Variants in ERC2 observed in about 807,000 individuals in gnomAD.
ERC2 encodes ELKS/RAB6-interacting/CAST family member 2.
ERC2 carries 42 observed loss-of-function variants against 114.8 expected under a neutral mutation model. The ratio of observed to expected loss-of-function variants is 0.37; its 90% CI spans 0.29 to 0.47. The LOEUF (loss-of-function observed/expected upper bound fraction) is 0.47, where lower values mean the gene tolerates loss of function less well. Ranked by LOEUF, ERC2 falls within the 20% of genes least tolerant of loss-of-function variation. The probability of loss-of-function intolerance (pLI) is 0.99; values close to 1 mark genes in which losing one functional copy is unlikely to be tolerated. For synonymous variants in ERC2, 454 were observed against 425.5 expected (o/e 1.07, Z -0.82); for missense variants, 939 against 1,150.7 (o/e 0.82, Z 2.66).
chr3:55,655,555 T>C (rs1391481141), intron 17 of ERC2, among the ~76,000 whole-genome samples: 3 of 152,224 alleles, frequency 2.0e-5, no homozygotes, highest in Admixed American at 6.5e-5. Context: ...CCTTATGGCA[T>C]GTGGGGCTGA....
chr3:55,671,172 C>T (rs1469251061), intron 17 of ERC2, among the ~76,000 whole-genome samples: 2 of 152,160 alleles, frequency 1.3e-5, no homozygotes, highest in Non-Finnish European at 2.9e-5. Context: ...AACAGATGAA[C>T]ATTTGCAATA....
intron 17 of ERC2, among the ~76,000 whole-genome samples, chr3:55,588,065 T>C (rs1034687881): frequency 3.3e-5 from 5 of 152,186 alleles, no homozygotes; most frequent in Non-Finnish European, 5.9e-5. Flanking sequence ...GTTATCCAAG[T>C]GCCTAAAAAT....
intron 3 of ERC2, among the ~76,000 whole-genome samples, chr3:56,196,993 G>A (rs2048147680): frequency 6.6e-6 from 1 of 152,046 alleles, no homozygotes; most frequent in Non-Finnish European, 1.5e-5. Flanking sequence ...CAGAGTCCGT[G>A]TTTATAAAAA....
chr3:56,094,351 G>A (rs1215896928), intron 6 of ERC2, among the ~76,000 whole-genome samples: 1 of 152,148 alleles, frequency 6.6e-6, no homozygotes, highest in Non-Finnish European at 1.5e-5. Context: ...AACCTGTGAT[G>A]TAAGTACTGC....
At chr3:55,863,765 T>G (rs916233144) in intron 14 of ERC2, among the ~76,000 whole-genome samples, 3 of 152,112 alleles carry the variant, frequency 2.0e-5, no homozygotes, top group Admixed American at 2.0e-4. Flanking sequence ...ACCCAAAGTA[T>G]TAAACATGTA....
At chr3:55,883,088 A>T (rs71309934) in intron 14 of ERC2, among the ~76,000 whole-genome samples, 2,174 of 152,338 alleles carry the variant, frequency 0.014, 52 homozygotes, top group Non-Finnish European at 0.013. Flanking sequence ...CTAAAAGAGT[A>T]CCTAGCACAT....
intron 11 of ERC2, among the ~76,000 whole-genome samples, chr3:55,986,377 G>T (rs1472926451): frequency 3.3e-5 from 5 of 152,156 alleles, no homozygotes; most frequent in African/African-American, 1.2e-4. Flanking sequence ...AACTGAAATG[G>T]AAACTACTAA....
At position 55,940,806 on chromosome 3, in the gene ERC2, T is replaced by G. The variant is rs780007103; in HGVS notation, c.2403+9619A>C. 2.0e-5 allele frequency among the ~76,000 whole-genome samples: 3 copies of G among 152,188 alleles called. No individual in the cohort carries two copies. The South Asian group carries it at 6.2e-4, about 31-fold the overall frequency. On this transcript the variant is annotated intron_variant, in intron 13 of 17. Coordinates refer to ENST00000288221, the MANE Select transcript of ERC2 (RefSeq NM_015576.3). ...ACTCACTACTTAAAATAAAGCTTAA[T>G]CCGTTTCCATAAAATCCATGCAAAA...
intron 4 of ERC2, among the ~76,000 whole-genome samples, chr3:56,164,232 T>G (rs766722909): frequency 6.6e-6 from 1 of 152,030 alleles, no homozygotes; most frequent in Non-Finnish European, 1.5e-5. Flanking sequence ...CAAAATCCAG[T>G]ACACATTAGC....
At chr3:56,246,784 T>C (rs2051741429) in intron 3 of ERC2, among the ~76,000 whole-genome samples, 1 of 152,226 alleles carries the variant, frequency 6.6e-6, no homozygotes, top group Non-Finnish European at 1.5e-5. Context: ...CTACTTAGTG[T>C]CCTGAAGCCA....
Position 55,637,393 on chromosome 3 carries a change from C to T in ERC2, c.*39+46401G>A, listed in dbSNP as rs557941366. 2.6e-5 allele frequency among the ~76,000 whole-genome samples: 4 copies of T among 152,308 alleles called. No homozygotes were observed. The South Asian group carries it at 8.3e-4, about 32-fold the overall frequency. On this transcript the variant is annotated intron_variant, in intron 17 of 17. Transcript: ENST00000288221. ...TGCGCTTAGGTAGCATCTCTACCTGCTGAGGACTCATCAGGTTCCAAGCAC... is the reference window on the plus strand; with the variant it reads ...TGCGCTTAGGTAGCATCTCTACCTGTTGAGGACTCATCAGGTTCCAAGCAC...
chr3:56,097,464 A>G (rs565490827), intron 6 of ERC2, among the ~76,000 whole-genome samples: 1 of 152,222 alleles, frequency 6.6e-6, no homozygotes, highest in South Asian at 2.1e-4. Flanking sequence ...AATCTGTTTC[A>G]TCCTGCGAAT....
chr3:55,622,252 T>C (rs1213050103), intron 17 of ERC2, among the ~76,000 whole-genome samples: 2 of 152,162 alleles, frequency 1.3e-5, no homozygotes, highest in Non-Finnish European at 2.9e-5. Context: ...ATAACAAATA[T>C]GAAGTGCTGA....
chr3:55,829,293 T>C (rs1221488803), intron 14 of ERC2, among the ~76,000 whole-genome samples: 2 of 152,124 alleles, frequency 1.3e-5, no homozygotes, highest in Non-Finnish European at 2.9e-5. Context: ...AAGATAAAGA[T>C]TGATACATTT....
At chr3:56,304,459 C>T (rs1402293956) in intron 2 of ERC2, among the ~76,000 whole-genome samples, 1 of 152,130 alleles carries the variant, frequency 6.6e-6, no homozygotes, top group East Asian at 1.9e-4. Flanking sequence ...AAAACTCTTC[C>T]TGCAAAGAAA....
At chr3:55,851,038 C>T (rs1328023225) in intron 14 of ERC2, among the ~76,000 whole-genome samples, 1 of 152,198 alleles carries the variant, frequency 6.6e-6, no homozygotes, top group Middle Eastern at 3.4e-3. Flanking sequence ...GAGAGCCAGA[C>T]AGAAGTCCAT....
chr3:56,073,422 A>G (rs1446655172), intron 7 of ERC2, among the ~76,000 whole-genome samples: 1 of 152,184 alleles, frequency 6.6e-6, no homozygotes, highest in African/African-American at 2.4e-5. Flanking sequence ...TCCCAGCTAT[A>G]GCAACCAAAA....
chr3:55,871,903 C>G (rs919208175), intron 14 of ERC2, among the ~76,000 whole-genome samples: 1 of 152,172 alleles, frequency 6.6e-6, no homozygotes, highest in Non-Finnish European at 1.5e-5. Flanking sequence ...GAATTCACCT[C>G]TACTTTAAAG....
chr3:56,238,922 A>T (rs1040284159), intron 3 of ERC2, among the ~76,000 whole-genome samples: 1 of 152,244 alleles, frequency 6.6e-6, no homozygotes, highest in Non-Finnish European at 1.5e-5. Context: ...AAAGCTTTAA[A>T]TGAATTACAG....
Sources: allele counts gnomAD v4.1 joint callset (sites outside exome capture counted in the v4.1 genomes callset), GRCh38; gene constraint gnomAD v4.1.1; transcripts MANE v1.5; gene names NCBI Gene and HGNC (gene_info 2026-07-23, HGNC 2026-07-21).